Variants in COMMD7 observed in about 807,000 individuals in gnomAD.
The protein encoded by COMMD7 is COMM domain-containing protein 7.
A neutral mutation model predicts 34.8 loss-of-function variants in COMMD7; 28 were observed. The ratio of observed to expected loss-of-function variants is 0.80; its 90% CI spans 0.60 to 1.10. The LOEUF (loss-of-function observed/expected upper bound fraction) is 1.10. Among genes scored for constraint, COMMD7 ranks in the 50% least tolerant of loss-of-function variants. The probability of loss-of-function intolerance (pLI) is 0.00; values close to 1 mark genes in which losing one functional copy is unlikely to be tolerated. For missense variants in COMMD7, 211 were observed against 241.6 expected (o/e 0.87, Z 0.84); for synonymous variants, 80 against 86.4 (o/e 0.93, Z 0.41).
At chr20:32,722,041 A>G (rs1985193181) in intron 3 of COMMD7, among the ~76,000 whole-genome samples, 1 of 151,862 alleles carries the variant, frequency 6.6e-6, no homozygotes, top group African/African-American at 2.4e-5. Context: ...AGCCTGGGCA[A>G]CAGAGTGAGA....
intron 1 of COMMD7, among the ~76,000 whole-genome samples, chr20:32,741,630 C>G (rs111517733): frequency 0.016 from 2,450 of 152,200 alleles, 72 homozygotes; most frequent in African/African-American, 0.056. Context: ...ACCTTGTGAT[C>G]CGCCCACCTT....
intron 1 of COMMD7, among the ~76,000 whole-genome samples, chr20:32,741,700 T>C (rs1299145400): frequency 6.6e-6 from 1 of 152,182 alleles, no homozygotes; most frequent in African/African-American, 2.4e-5. Context: ...TTTTATCTTT[T>C]ATACTGTATT....
intron 1 of COMMD7, among the ~76,000 whole-genome samples, chr20:32,734,998 G>A (rs958938043): frequency 3.9e-5 from 6 of 151,954 alleles, no homozygotes; most frequent in African/African-American, 1.2e-4. Flanking sequence ...AGCACTTTGC[G>A]AGTCTGAGGA....
chr20:32,737,351 C>CA (rs1986188212), intron 1 of COMMD7, among the ~76,000 whole-genome samples: 1 of 99,134 alleles, frequency 1.0e-5, no homozygotes, highest in African/African-American at 3.7e-5. Flanking sequence ...GCCTGGGCAA[C>CA]AGAGCAAGAC....
intron 3 of COMMD7, among the ~76,000 whole-genome samples, chr20:32,716,658 G>T (rs1489447625): frequency 6.6e-6 from 1 of 152,162 alleles, no homozygotes; most frequent in Non-Finnish European, 1.5e-5. Flanking sequence ...CACTGGGCAT[G>T]TTGCCCACAC....
intron 8 of COMMD7, 189 bp downstream of exon 8, chr20:32,703,834 T>C (rs1249009901): frequency 1.3e-6 from 2 of 1,542,296 alleles, no homozygotes; most frequent in South Asian, 2.4e-5. Flanking sequence ...CTGTGGGGGC[T>C]CCAACCTGCC....
At chr20:32,728,571 T>A (rs1286900940) in intron 1 of COMMD7, among the ~76,000 whole-genome samples, 1 of 152,028 alleles carries the variant, frequency 6.6e-6, no homozygotes, top group Non-Finnish European at 1.5e-5. Flanking sequence ...TTTCTTTTCT[T>A]TTTTTTTCTT....
At chr20:32,737,598 G>A (rs1488077881) in intron 1 of COMMD7, among the ~76,000 whole-genome samples, 2 of 137,794 alleles carry the variant, frequency 1.5e-5, no homozygotes, top group South Asian at 2.5e-4. Flanking sequence ...GGAGGCTGAG[G>A]TGGGAGGATC....
intron 3 of COMMD7, among the ~76,000 whole-genome samples, chr20:32,720,594 A>G (rs56134428): frequency 0.95 from 144,429 of 152,288 alleles, 68,677 homozygotes; most frequent in East Asian, 0.99. Context: ...CAGATCGCTT[A>G]AGCCCAAGAA....
rs115484019 is a variant in COMMD7 at position 32,730,110 on chromosome 20, A to G, written c.85-1968T>C. ...AGCTGCCCAGGTATTTTGTTATGGCAGCCTGAGCTGACTGAGACACAGATC... is the reference window on the plus strand; with the variant it reads ...AGCTGCCCAGGTATTTTGTTATGGCGGCCTGAGCTGACTGAGACACAGATC... On this transcript the variant is annotated intron_variant, in intron 1 of 8. Coordinates refer to ENST00000278980, the MANE Select transcript of COMMD7 (RefSeq NM_053041.3). 2.6e-3 allele frequency among the ~76,000 whole-genome samples: 393 copies of G among 151,742 alleles called. 2 individuals are homozygous for G. Among genetic ancestry groups the G allele is most frequent in the African/African-American group, 9.3e-3 (385 of 41,496 alleles).
chr20:32,716,190 T>C (rs1048768367), intron 3 of COMMD7, among the ~76,000 whole-genome samples: 2 of 152,204 alleles, frequency 1.3e-5, no homozygotes, highest in Non-Finnish European at 2.9e-5. Context: ...GGGAAATTAA[T>C]ACTGACCTTG....
chr20:32,718,159 C>T (rs1980293832), intron 3 of COMMD7, among the ~76,000 whole-genome samples: 1 of 151,678 alleles, frequency 6.6e-6, no homozygotes, highest in African/African-American at 2.4e-5. Flanking sequence ...AATCCCAGCA[C>T]TTTGGGAGGC....
At chr20:32,709,422 G>A (rs931875530) in intron 3 of COMMD7, among the ~76,000 whole-genome samples, 2 of 151,032 alleles carry the variant, frequency 1.3e-5, no homozygotes, top group African/African-American at 4.9e-5. Flanking sequence ...AAACAGGCTG[G>A]GCGCCTGTTA....
At chr20:32,706,106 G>A (rs1010513537) in intron 5 of COMMD7, among the ~76,000 whole-genome samples, 1 of 151,200 alleles carries the variant, frequency 6.6e-6, no homozygotes, top group Non-Finnish European at 1.5e-5. Flanking sequence ...GCTGGGGCAG[G>A]AGAATTGCTT....
At chr20:32,721,468 G>C (rs1211489795) in intron 3 of COMMD7, among the ~76,000 whole-genome samples, 1 of 149,728 alleles carries the variant, frequency 6.7e-6, no homozygotes, top group Non-Finnish European at 1.5e-5. Flanking sequence ...AAAATTGCTG[G>C]GCAGGACGGC....
intron 1 of COMMD7, among the ~76,000 whole-genome samples, chr20:32,731,342 A>C (rs6057631): frequency 1.6e-3 from 246 of 151,984 alleles, no homozygotes; most frequent in African/African-American, 5.7e-3. Flanking sequence ...AAAAATAAAA[A>C]TAAATTAGTC....
intron 1 of COMMD7, chr20:32,742,339 C>G (rs1969406764): frequency 6.6e-6 from 1 of 152,042 alleles, no homozygotes; most frequent in South Asian, 2.1e-4. Context: ...GTTTTTATCT[C>G]GCAAGCAGCA....
rs1984554878 is a variant in COMMD7 at position 32,712,814 on chromosome 20, C to T, written c.242-6054G>A. Among the ~76,000 whole-genome samples, 5 of 134,400 alleles carry T rather than the reference C, an allele frequency of 3.7e-5. No homozygotes were observed. In the East Asian group the frequency reaches 1.2e-3, roughly 32 times the overall value. The allele number at this position is 134,400 out of a possible 152,430, so 88.2% of individuals were successfully genotyped here. ...TCCCCCAGACTGGAATGCAGTGGTG[C>T]AATCTTGGCTCACTGCAACCTCTGC... On this transcript the variant is annotated intron_variant, in intron 3 of 8. Coordinates refer to ENST00000278980, the MANE Select transcript of COMMD7 (RefSeq NM_053041.3).
intron 3 of COMMD7, among the ~76,000 whole-genome samples, chr20:32,709,889 CT>C (rs77153527): frequency 3.4e-3 from 484 of 142,456 alleles, no homozygotes; most frequent in Admixed American, 4.3e-3. Context: ...TCTTTTTTTA[CT>C]TTTTTTTTTT....
Sources: allele counts gnomAD v4.1 joint callset (sites outside exome capture counted in the v4.1 genomes callset), GRCh38; gene constraint gnomAD v4.1.1; transcripts MANE v1.5; gene names NCBI Gene and HGNC (gene_info 2026-07-23, HGNC 2026-07-21).